The following PDE7B variants were observed in gnomAD, a reference collection of about 807,000 sequenced individuals.
PDE7B encodes phosphodiesterase 7B.
In PDE7B, 29 loss-of-function variants were observed where a neutral mutation model predicts 56.2. The observed-to-expected ratio is 0.52, with a 90% confidence interval of 0.38 to 0.70. The LOEUF is 0.70. Among genes scored for constraint, PDE7B ranks in the 30% least tolerant of loss-of-function variants. PDE7B has a pLI of 0.00. For synonymous variants in PDE7B, 197 were observed against 196.9 expected (o/e 1.00, Z 0.00); for missense variants, 490 against 565.0 (o/e 0.87, Z 1.35).
At chr6:136,064,978 C>A (rs1776909377) in intron 2 of PDE7B, among the ~76,000 whole-genome samples, 1 of 152,132 alleles carries the variant, frequency 6.6e-6, no homozygotes, top group Non-Finnish European at 1.5e-5. Flanking sequence ...GTAACAGAGT[C>A]CAACAATTTG....
chr6:136,106,425 C>T (rs895759910), intron 2 of PDE7B, among the ~76,000 whole-genome samples: 13 of 152,048 alleles, frequency 8.5e-5, no homozygotes, highest in South Asian at 2.1e-4. Flanking sequence ...TAGAAAACAA[C>T]GGTATTGTAG....
chr6:135,890,377 G>T (rs563345806), intron 1 of PDE7B, among the ~76,000 whole-genome samples: 1 of 152,088 alleles, frequency 6.6e-6, no homozygotes, highest in African/African-American at 2.4e-5. Flanking sequence ...TTGTTTGTGC[G>T]TTCAAACTGG....
intron 12 of PDE7B, 42 bp downstream of exon 12, chr6:136,187,158 C>A: frequency 1.1e-6 from 1 of 950,872 alleles, no homozygotes; most frequent in Non-Finnish European, 1.7e-6. Flanking sequence ...ATACCTTTGG[C>A]ACATCTCACA....
chr6:136,113,435 AAG>A (rs1413270321), intron 3 of PDE7B, among the ~76,000 whole-genome samples: 3 of 152,232 alleles, frequency 2.0e-5, no homozygotes, highest in Non-Finnish European at 4.4e-5. Flanking sequence ...CACAATTTAG[AAG>A]AGAGTCATCT....
chr6:136,000,204 G>A (rs981247379), intron 2 of PDE7B, among the ~76,000 whole-genome samples: 16 of 152,172 alleles, frequency 1.1e-4, no homozygotes, highest in Admixed American at 2.0e-4. Flanking sequence ...TAGGTTGTCT[G>A]TTCAATCTGT....
At chr6:136,005,453 C>T (rs895479089) in intron 2 of PDE7B, among the ~76,000 whole-genome samples, 4 of 152,154 alleles carry the variant, frequency 2.6e-5, no homozygotes, top group Admixed American at 6.5e-5. Context: ...ACAACCTACT[C>T]ATCTGACAAA....
intron 2 of PDE7B, chr6:136,038,494 T>C (rs1776364866): frequency 7.8e-7 from 1 of 1,289,146 alleles, no homozygotes; most frequent in South Asian, 1.2e-5. Context: ...AGAGAGGCAT[T>C]CTGGACAATG....
At chr6:136,101,114 C>T (rs962818622) in intron 2 of PDE7B, among the ~76,000 whole-genome samples, 2 of 152,104 alleles carry the variant, frequency 1.3e-5, no homozygotes, top group Non-Finnish European at 2.9e-5. Context: ...GGAATGAAGT[C>T]GACTTGATCG....
intron 2 of PDE7B, among the ~76,000 whole-genome samples, chr6:135,989,000 C>G (rs961159112): frequency 6.6e-6 from 1 of 152,142 alleles, no homozygotes; most frequent in Admixed American, 6.5e-5. Flanking sequence ...TTTATGTAAT[C>G]AGTTTCTACA....
chr6:135,959,430 TA>T (rs1349116769), intron 2 of PDE7B, among the ~76,000 whole-genome samples: 3 of 152,146 alleles, frequency 2.0e-5, no homozygotes, highest in Admixed American at 1.3e-4. Context: ...ATCAAGTATT[TA>T]AAAAAGAAAT....
intron 1 of PDE7B, among the ~76,000 whole-genome samples, chr6:135,910,434 TC>T (rs769262795): frequency 3.9e-5 from 6 of 152,242 alleles, no homozygotes; most frequent in Non-Finnish European, 8.8e-5. Context: ...TTAAAGACTT[TC>T]TTTTTTACAG....
At chr6:135,990,103 T>TG (rs1248423122) in intron 2 of PDE7B, among the ~76,000 whole-genome samples, 1 of 150,836 alleles carries the variant, frequency 6.6e-6, no homozygotes, top group East Asian at 1.9e-4. Flanking sequence ...TTTTTGTTTT[T>TG]TTTTTTTTTT....
intron 2 of PDE7B, among the ~76,000 whole-genome samples, chr6:136,096,816 C>T (rs1418921902): frequency 6.6e-6 from 1 of 152,048 alleles, no homozygotes; most frequent in Non-Finnish European, 1.5e-5. Flanking sequence ...TTAATAAAAC[C>T]TTCCTTGTTC....
chr6:135,991,728 C>A (rs190728250), intron 2 of PDE7B, among the ~76,000 whole-genome samples: 3 of 152,094 alleles, frequency 2.0e-5, no homozygotes, highest in Non-Finnish European at 2.9e-5. Context: ...TGATATCAGA[C>A]AAGACAAAAC....
intron 2 of PDE7B, among the ~76,000 whole-genome samples, chr6:136,041,136 C>T (rs899080621): frequency 1.3e-5 from 2 of 152,122 alleles, no homozygotes; most frequent in Non-Finnish European, 2.9e-5. Context: ...CCAACAGTTA[C>T]TTTAGAGGAC....
chr6:136,011,333 A>G (rs1775891805), intron 2 of PDE7B, among the ~76,000 whole-genome samples: 1 of 152,220 alleles, frequency 6.6e-6, no homozygotes, highest in Non-Finnish European at 1.5e-5. Flanking sequence ...TCTCAAGTGA[A>G]TATAAAACGT....
At chr6:136,048,109 C>CAGACAGACAGATAGAT (rs747314841) in intron 2 of PDE7B, among the ~76,000 whole-genome samples, 1 of 131,976 alleles carries the variant, frequency 7.6e-6, no homozygotes, top group African/African-American at 2.6e-5. Context: ...GACAGACAGA[C>CAGACAGACAGATAGAT]AGATAGATAG....
intron 1 of PDE7B, among the ~76,000 whole-genome samples, chr6:135,891,108 T>C (rs931052536): frequency 6.6e-6 from 1 of 152,210 alleles, no homozygotes; most frequent in Non-Finnish European, 1.5e-5. Flanking sequence ...TGAGGCTGCA[T>C]TTACAGGCGC....
At chr6:135,955,237 C>T (rs1774769175) in intron 2 of PDE7B, among the ~76,000 whole-genome samples, 1 of 151,908 alleles carries the variant, frequency 6.6e-6, no homozygotes, top group Non-Finnish European at 1.5e-5. Flanking sequence ...ACAATGACAA[C>T]ATAGCATGAT....
Sources: allele counts gnomAD v4.1 joint callset (sites outside exome capture counted in the v4.1 genomes callset), GRCh38; gene constraint gnomAD v4.1.1; transcripts MANE v1.5; gene names NCBI Gene and HGNC (gene_info 2026-07-23, HGNC 2026-07-21).